The following RBL1 variants were observed in gnomAD, a reference collection of about 807,000 sequenced individuals.
RBL1 encodes retinoblastoma-like protein 1.
RBL1 carries 82 observed loss-of-function variants against 123.0 expected under a neutral mutation model. That is an observed-to-expected ratio of 0.67 (90% CI 0.56 to 0.80). RBL1 has a LOEUF of 0.80. Ranked by LOEUF, RBL1 falls within the 30% of genes least tolerant of loss-of-function variation. The probability of loss-of-function intolerance (pLI) is 0.00; values close to 1 mark genes in which losing one functional copy is unlikely to be tolerated. For synonymous variants in RBL1, 405 were observed against 441.3 expected, an observed-to-expected ratio of 0.92 and a Z score of 1.03; for missense variants, 1,171 against 1,299.6, an observed-to-expected ratio of 0.90 and a Z score of 1.52.
intron 20 of RBL1, among the ~76,000 whole-genome samples, chr20:37,007,170 G>A (rs947824586): frequency 5.9e-5 from 9 of 152,042 alleles, no homozygotes; most frequent in Non-Finnish European, 1.2e-4. Context: ...GATCGCTTGA[G>A]GCCTGGAAGC....
At chr20:37,007,092 C>CA (rs932128275) in intron 20 of RBL1, among the ~76,000 whole-genome samples, 6 of 151,788 alleles carry the variant, frequency 4.0e-5, no homozygotes, top group Non-Finnish European at 1.5e-5. Flanking sequence ...ACTAAAAATA[C>CA]AAAAAAATTA....
chr20:37,029,599 T>G (rs558279622), intron 16 of RBL1, among the ~76,000 whole-genome samples: 1 of 152,230 alleles, frequency 6.6e-6, no homozygotes, highest in African/African-American at 2.4e-5. Flanking sequence ...GCTAGAGCAA[T>G]AAGGCAGGAA....
Position 36,998,741 on chromosome 20 carries a change from A to T in RBL1, c.*18T>A. On this transcript the variant is annotated 3_prime_UTR_variant, in exon 22 of 22. Transcript: ENST00000373664. Reference sequence around the variant, plus strand: ...AGAACAATCTGAAAGTGCTTTTATCATAGAAACAAGAACAACATTAATGAT... The same window carrying T: ...AGAACAATCTGAAAGTGCTTTTATCTTAGAAACAAGAACAACATTAATGAT... 6.3e-7 allele frequency: 1 copy of T among 1,596,010 alleles called. No homozygotes were observed. The highest frequency in any genetic ancestry group is 1.7e-4 in the Middle Eastern group (1 of 5,990).
At chr20:37,038,675 T>G (rs2064671196) in intron 14 of RBL1, among the ~76,000 whole-genome samples, 1 of 144,094 alleles carries the variant, frequency 6.9e-6, no homozygotes, top group African/African-American at 2.6e-5. Flanking sequence ...TGATCTTGGC[T>G]CACTGCAACC....
intron 2 of RBL1, among the ~76,000 whole-genome samples, chr20:37,087,414 T>C (rs1388841860): frequency 6.6e-6 from 1 of 151,304 alleles, no homozygotes; most frequent in Middle Eastern, 3.5e-3. Context: ...TAAGACCCTG[T>C]CTCTATAAAA....
intron 14 of RBL1, among the ~76,000 whole-genome samples, chr20:37,036,640 T>G (rs1026771112): frequency 6.7e-6 from 1 of 149,816 alleles, no homozygotes; most frequent in Non-Finnish European, 1.5e-5. Context: ...TTTTTTTTTT[T>G]TTTGAGATGG....
intron 19 of RBL1, among the ~76,000 whole-genome samples, chr20:37,013,999 C>T (rs1046297573): frequency 2.6e-5 from 4 of 152,010 alleles, no homozygotes; most frequent in African/African-American, 9.7e-5. Flanking sequence ...TGGGTCATAG[C>T]ATCTAACCAT....
At chr20:37,071,240 C>T (rs1269261621) in intron 2 of RBL1, among the ~76,000 whole-genome samples, 1 of 152,134 alleles carries the variant, frequency 6.6e-6, no homozygotes, top group African/African-American at 2.4e-5. Context: ...TTACTTGAGT[C>T]CATTTCGCCT....
At chr20:37,080,800 C>A (rs1490356537) in intron 2 of RBL1, among the ~76,000 whole-genome samples, 1 of 152,140 alleles carries the variant, frequency 6.6e-6, no homozygotes, top group Non-Finnish European at 1.5e-5. Context: ...TATATTTGGC[C>A]TGATTCTTTG....
chr20:37,062,969 G>C (rs537380508), intron 7 of RBL1, among the ~76,000 whole-genome samples: 1 of 152,116 alleles, frequency 6.6e-6, no homozygotes, highest in Admixed American at 6.5e-5. Context: ...GCGACAGAGC[G>C]AGACTCCGTC....
At position 37,068,080 on chromosome 20, in the gene RBL1, T is replaced by C; in HGVS notation, c.397A>G (p.Thr133Ala). Residue 133 changes from threonine (T) to alanine (A), a missense_variant, in exon 3 of 22, where the codon ACT becomes GCT. Thr to Ala is a moderately conservative substitution (Grantham distance 58, BLOSUM62 0). Coordinates refer to ENST00000373664, the MANE Select transcript of RBL1 (RefSeq NM_002895.5). ...GGCTCATATTTTTTGAATATTACAG[T>C]AGACACCTCAAAATTTCTCTCTAGC... ...ERLERNFEVS[T>A]VIFKKYEPIF... 1 of 1,613,724 alleles carries C rather than the reference T, an allele frequency of 6.2e-7. No homozygotes were observed. Among genetic ancestry groups the C allele is most frequent in the East Asian group, 2.2e-5 (1 of 44,846 alleles).
At chr20:37,028,167 C>A (rs746385705) in intron 16 of RBL1, among the ~76,000 whole-genome samples, 1 of 152,078 alleles carries the variant, frequency 6.6e-6, no homozygotes, top group Non-Finnish European at 1.5e-5. Context: ...GAGTTTGAGA[C>A]CAGGCTGGCC....
chr20:36,999,475 C>CT (rs1568805638), intron 21 of RBL1, among the ~76,000 whole-genome samples: 22 of 147,394 alleles, frequency 1.5e-4, no homozygotes, highest in African/African-American at 5.9e-4. Context: ...CCCTCTCCCT[C>CT]CTCTCCCTCT....
chr20:37,015,637 A>T (rs1396438273), intron 19 of RBL1, among the ~76,000 whole-genome samples: 1 of 152,100 alleles, frequency 6.6e-6, no homozygotes, highest in Non-Finnish European at 1.5e-5. Flanking sequence ...TCACCGTGTT[A>T]GCCAGGATGG....
chr20:37,046,085 C>T (rs1235314098), intron 12 of RBL1, among the ~76,000 whole-genome samples: 1 of 152,070 alleles, frequency 6.6e-6, no homozygotes, highest in Non-Finnish European at 1.5e-5. Context: ...ATAGTTCTAG[C>T]AAGAAAAATA....
Position 37,085,008 on chromosome 20 carries a change from C to T in RBL1, c.290+3981G>A, listed in dbSNP as rs184412513. Among the ~76,000 whole-genome samples the T allele has an allele frequency of 7.2e-5, 11 of 152,224 alleles. No individual in the cohort carries two copies. In the East Asian group the frequency reaches 1.4e-3, roughly 19 times the overall value. On this transcript the variant is annotated intron_variant, in intron 2 of 21. Transcript: ENST00000373664. ...CTTGAACTCCTGACCCCAGGTGATCCGCCCGTCTAAGCCTTCCAAAGTGCT... is the reference window on the plus strand; with the variant it reads ...CTTGAACTCCTGACCCCAGGTGATCTGCCCGTCTAAGCCTTCCAAAGTGCT...
intron 11 of RBL1, among the ~76,000 whole-genome samples, chr20:37,054,821 C>G (rs2064977252): frequency 1.3e-5 from 2 of 151,572 alleles, no homozygotes. Flanking sequence ...CAGAGCAAGA[C>G]TCAGTCTAAA....
chr20:37,044,377 GC>G, intron 12 of RBL1, 127 bp from the exon 13 acceptor site: 1 of 908,896 alleles, frequency 1.1e-6, no homozygotes, highest in Non-Finnish European at 1.6e-6. Context: ...TCCCTCTGTT[GC>G]CCAGGCTGGA....
chr20:37,062,409 C>G (rs1325441741), intron 7 of RBL1, 139 bp from the exon 8 acceptor site: 2 of 1,399,094 alleles, frequency 1.4e-6, no homozygotes, highest in Middle Eastern at 2.6e-4. Context: ...CTAACAATAT[C>G]AGAGGGTCCT....
Sources: gnomAD v4.1 joint callset for allele counts (sites outside exome capture counted in the v4.1 genomes callset) on GRCh38, gnomAD v4.1.1 for gene constraint, MANE v1.5 for transcripts, NCBI Gene and HGNC (gene_info 2026-07-23, HGNC 2026-07-21) for gene names.